Variants in KCNQ3 observed in about 807,000 individuals in gnomAD.
KCNQ3 encodes the protein potassium voltage-gated channel subfamily KQT member 3.
Under a neutral mutation model 92.5 loss-of-function variants are expected in KCNQ3, and 30 were observed. The ratio of observed to expected loss-of-function variants is 0.32; its 90% CI spans 0.24 to 0.44. KCNQ3 has a LOEUF of 0.44. Among genes scored for constraint, KCNQ3 ranks in the 20% least tolerant of loss-of-function variants. KCNQ3 has a pLI of 1.00. For synonymous variants in KCNQ3, 450 were observed against 468.8 expected, an observed-to-expected ratio of 0.96 and a Z score of 0.52; for missense variants, 913 against 1,140.3, an observed-to-expected ratio of 0.80 and a Z score of 2.87.
At chr8:132,337,940 T>A (rs1818410989) in intron 1 of KCNQ3, among the ~76,000 whole-genome samples, 1 of 152,176 alleles carries the variant, frequency 6.6e-6, no homozygotes, top group Admixed American at 6.5e-5. Context: ...ATTCTTATCA[T>A]CTAAATATTT....
At chr8:132,233,316 T>C (rs973890604) in intron 1 of KCNQ3, among the ~76,000 whole-genome samples, 4 of 152,196 alleles carry the variant, frequency 2.6e-5, no homozygotes, top group African/African-American at 9.7e-5. Context: ...CAAATCTTCT[T>C]TTCTGTTTTT....
Position 132,129,448 on chromosome 8 carries a change from C to T in KCNQ3, c.2433G>A (p.Gln811=), listed in dbSNP as rs747219299. 9 of 1,614,196 alleles carry T rather than the reference C, an allele frequency of 5.6e-6. No individual in the cohort carries two copies. The South Asian group carries it at 8.8e-5, about 16-fold the overall frequency. ...ERSPSGFSIS[Q]DRDDYVFGPN... is the part of the protein sequence containing the mutation. The stretch of plus-strand genomic sequence containing the variant: ...GGCCGAACACATAATCATCTCTGTC[C>T]TGGGAGATGCTGAAGCCACTTGGAG... The change falls in exon 15 of 15, where the codon CAG becomes CAA. Residue 811 remains glutamine (Q), a synonymous_variant. Transcript: ENST00000388996. This position sits in a 1 kb window ranked among gnomAD's most constrained non-coding sequence, Gnocchi z 5.9.
At chr8:132,293,274 C>A (rs1586901949) in intron 1 of KCNQ3, among the ~76,000 whole-genome samples, 1 of 152,316 alleles carries the variant, frequency 6.6e-6, no homozygotes, top group Non-Finnish European at 1.5e-5. Flanking sequence ...CAACTGGCAA[C>A]TGCTTGGTCA....
At chr8:132,208,360 G>A (rs1025883666) in intron 1 of KCNQ3, among the ~76,000 whole-genome samples, 6 of 151,882 alleles carry the variant, frequency 4.0e-5, no homozygotes, top group Admixed American at 6.6e-5. Flanking sequence ...AAAAAAAACC[G>A]CACAGCATTT....
At chr8:132,265,019 A>G (rs957384957) in intron 1 of KCNQ3, among the ~76,000 whole-genome samples, 1 of 152,068 alleles carries the variant, frequency 6.6e-6, no homozygotes, top group African/African-American at 2.4e-5. Context: ...AAGCCACTTA[A>G]CCTCTCTGAG....
intron 1 of KCNQ3, among the ~76,000 whole-genome samples, chr8:132,349,309 A>G (rs1818788496): frequency 6.6e-6 from 1 of 152,310 alleles, no homozygotes; most frequent in East Asian, 1.9e-4. Flanking sequence ...TTTACACTAA[A>G]CTAGTATCTA....
chr8:132,208,059 G>A (rs1813724562), intron 1 of KCNQ3, among the ~76,000 whole-genome samples: 1 of 151,900 alleles, frequency 6.6e-6, no homozygotes, highest in Non-Finnish European at 1.5e-5. Flanking sequence ...CCCTCCCTGG[G>A]CTCCATGTTC....
intron 1 of KCNQ3, among the ~76,000 whole-genome samples, chr8:132,211,952 CAA>C (rs200457183): frequency 0.086 from 5,368 of 62,516 alleles, 173 homozygotes; most frequent in South Asian, 0.21. Flanking sequence ...GACTCCATCT[CAA>C]AAAAAAAAAA....
chr8:132,238,406 T>C (rs1438915817), intron 1 of KCNQ3, among the ~76,000 whole-genome samples: 4 of 152,170 alleles, frequency 2.6e-5, no homozygotes, highest in African/African-American at 9.7e-5. Flanking sequence ...CCTCTCCTCA[T>C]GAGCCCCTGA....
chr8:132,224,079 C>CTTTTTTTTTTT (rs1334898354), intron 1 of KCNQ3, among the ~76,000 whole-genome samples: 4 of 54,162 alleles, frequency 7.4e-5, no homozygotes, highest in Middle Eastern at 0.015. Flanking sequence ...TCATGCCAGG[C>CTTTTTTTTTTT]TATTTTTTTT....
chr8:132,411,692 T>C (rs1205455327), intron 1 of KCNQ3, among the ~76,000 whole-genome samples: 1 of 152,142 alleles, frequency 6.6e-6, no homozygotes, highest in African/African-American at 2.4e-5. Flanking sequence ...TCCCTCCTTT[T>C]CCATGCTCCC....
At chr8:132,252,651 C>G (rs1285698376) in intron 1 of KCNQ3, among the ~76,000 whole-genome samples, 15 of 152,190 alleles carry the variant, frequency 9.9e-5, no homozygotes, top group Admixed American at 9.8e-4. Context: ...CTGATTGGTC[C>G]ATTTTACAGA....
intron 1 of KCNQ3, among the ~76,000 whole-genome samples, chr8:132,282,556 C>T (rs1816556729): frequency 6.6e-6 from 1 of 152,194 alleles, no homozygotes; most frequent in Non-Finnish European, 1.5e-5. Context: ...CTCCCGCCCC[C>T]TGGAACCATC....
intron 1 of KCNQ3, among the ~76,000 whole-genome samples, chr8:132,217,516 C>CTGG (rs1814076444): frequency 6.6e-6 from 1 of 151,902 alleles, no homozygotes; most frequent in Non-Finnish European, 1.5e-5. Context: ...GGAGACCATC[C>CTGG]TGGCTAACAT....
rs142855265 is a variant in KCNQ3 at position 132,415,799 on chromosome 8, C to T, written c.386+64348G>A. ...ATTGCCATGATTTTCGGCCCTTCAA[C>T]AGGCCACAGTACATATGCAGCATAT... On this transcript the variant is annotated intron_variant, in intron 1 of 14. Coordinates refer to ENST00000388996, the MANE Select transcript of KCNQ3 (RefSeq NM_004519.4). Among the ~76,000 whole-genome samples the T allele has an allele frequency of 1.9e-4, 29 of 152,144 alleles. 1 individual carries two copies. The highest frequency in any genetic ancestry group is 7.0e-4 in the African/African-American group (29 of 41,530).
chr8:132,459,071 T>C (rs903295047), intron 1 of KCNQ3, among the ~76,000 whole-genome samples: 1 of 152,206 alleles, frequency 6.6e-6, no homozygotes, highest in African/African-American at 2.4e-5. Context: ...TTGATAGTTT[T>C]GAAGAATACT....
intron 1 of KCNQ3, among the ~76,000 whole-genome samples, chr8:132,388,489 CTATT>C: frequency 6.6e-6 from 1 of 151,978 alleles, no homozygotes; most frequent in East Asian, 1.9e-4. Context: ...TACAAGAAAA[CTATT>C]AAACATCATC....
At chr8:132,301,513 C>A (rs1205585258) in intron 1 of KCNQ3, among the ~76,000 whole-genome samples, 1 of 152,154 alleles carries the variant, frequency 6.6e-6, no homozygotes, top group Non-Finnish European at 1.5e-5. Flanking sequence ...AATAACAGGT[C>A]CATAATTAAA....
At chr8:132,146,118 T>A (rs1176409385) in intron 9 of KCNQ3, among the ~76,000 whole-genome samples, 3 of 152,262 alleles carry the variant, frequency 2.0e-5, no homozygotes, top group African/African-American at 7.2e-5. Flanking sequence ...GTATTCTAAG[T>A]GTACGTGGGG....
Sources: gnomAD v4.1 joint callset for allele counts (sites outside exome capture counted in the v4.1 genomes callset) on GRCh38, gnomAD v4.1.1 for gene constraint, Gnocchi (gnomAD v3.1) non-coding constraint, MANE v1.5 for transcripts, NCBI Gene and HGNC (gene_info 2026-07-23, HGNC 2026-07-21) for gene names.